Variants in AGAP1 observed in about 807,000 individuals in gnomAD.
AGAP1 encodes the protein ArfGAP with GTPase domain, ankyrin repeat and PH domain 1, also known as arf-GAP with GTPase, ANK repeat and PH domain-containing protein 1.
Under a neutral mutation model 105.3 loss-of-function variants are expected in AGAP1, and 29 were observed. That is an observed-to-expected ratio of 0.28 (90% confidence interval 0.21 to 0.38). AGAP1 has a LOEUF of 0.38. Among genes scored for constraint, AGAP1 ranks in the 10% least tolerant of loss-of-function variants. AGAP1 has a pLI of 1.00. For missense variants in AGAP1, 998 were observed against 1,165.1 expected, an observed-to-expected ratio of 0.86 and a Z score of 2.09; for synonymous variants, 509 against 485.9, an observed-to-expected ratio of 1.05 and a Z score of -0.63.
chr2:235,800,505 G>A (rs897037570), intron 8 of AGAP1, among the ~76,000 whole-genome samples: 1 of 152,146 alleles, frequency 6.6e-6, no homozygotes, highest in African/African-American at 2.4e-5. Context: ...CCTGTGCATA[G>A]CAGACATTAC....
At chr2:235,674,693 C>CTTTTTT (rs201019044) in intron 1 of AGAP1, among the ~76,000 whole-genome samples, 4 of 136,300 alleles carry the variant, frequency 2.9e-5, no homozygotes, top group African/African-American at 1.1e-4. Flanking sequence ...GGGTGATAGA[C>CTTTTTT]TTTTTTTTTT....
chr2:235,611,045 G>GC lies in AGAP1; in HGVS notation c.164-98132dup, dbSNP rs1178583265. 6.6e-6 allele frequency among the ~76,000 whole-genome samples: 1 copy of GC among 152,172 alleles called. No homozygotes were observed. Among genetic ancestry groups the GC allele is most frequent in the Non-Finnish European group, 1.5e-5 (1 of 68,032 alleles). ...ACCTCCGGAAGCCTGCCAGCCGCCT[G>GC]CCTGCAACCCCATAGCCGAGTCAGC... is the stretch of plus-strand genomic sequence containing the variant. On this transcript the variant is annotated intron_variant, in intron 1 of 17. Transcript: ENST00000304032. This position sits in a 1 kb window ranked among gnomAD's most constrained non-coding sequence, Gnocchi z 5.0.
In AGAP1 at chr2:235,801,566, A is replaced by G. The variant is rs539084953; in HGVS notation, c.957+2044A>G. Among the ~76,000 whole-genome samples, 94 of 151,916 alleles carry G rather than the reference A, an allele frequency of 6.2e-4. No homozygotes were observed. The highest frequency in any genetic ancestry group is 3.4e-3 in the Middle Eastern group (1 of 294). On this transcript the variant is annotated intron_variant, in intron 8 of 17. Coordinates refer to ENST00000304032, the MANE Select transcript of AGAP1 (RefSeq NM_001037131.3). This position sits in a 1 kb window ranked among gnomAD's most constrained non-coding sequence, Gnocchi z 6.0. The stretch of plus-strand genomic sequence containing the variant: ...TAGCTGCTTCCCAGCTCCGTCTAAC[A>G]CCTGGAGCAGCCCCTGTCTACCCCC...
chr2:235,686,056 C>T (rs575293595), intron 1 of AGAP1, among the ~76,000 whole-genome samples: 1 of 152,282 alleles, frequency 6.6e-6, no homozygotes, highest in African/African-American at 2.4e-5. Flanking sequence ...GAGTGGGAGG[C>T]AGGTTTGTCC....
At chr2:236,021,545 C>A (rs1317887057) in intron 13 of AGAP1, among the ~76,000 whole-genome samples, 1 of 152,162 alleles carries the variant, frequency 6.6e-6, no homozygotes, top group Non-Finnish European at 1.5e-5. Flanking sequence ...CAAACAGTTA[C>A]CGCTTAGTAA....
rs1369127512 is a variant in AGAP1, at chr2:235,741,347, A to G, written c.396+299A>G. On this transcript the variant is annotated intron_variant, in intron 4 of 17. Transcript: ENST00000304032. The surrounding 1 kb of genome is among the most constrained non-coding windows in gnomAD (Gnocchi z 4.9). ...GGTTGGGGAGCCCAGTTGAAATGAC[A>G]TCTGGAAATTTCTGTCGTTTGGTTT... is the stretch of plus-strand genomic sequence containing the variant. 2.6e-5 allele frequency among the ~76,000 whole-genome samples: 4 copies of G among 152,182 alleles called. No homozygotes were observed. The highest frequency in any genetic ancestry group is 7.2e-5 in the African/African-American group (3 of 41,446).
At chr2:235,573,049 TTC>T (rs1302246771) in intron 1 of AGAP1, among the ~76,000 whole-genome samples, 5 of 21,500 alleles carry the variant, frequency 2.3e-4, no homozygotes, top group Admixed American at 6.7e-4. Flanking sequence ...CTTCTTCTTC[TTC>T]TTCTTCTTCT....
At chr2:236,029,627 T>C (rs939678301) in intron 13 of AGAP1, among the ~76,000 whole-genome samples, 1 of 152,120 alleles carries the variant, frequency 6.6e-6, no homozygotes, top group African/African-American at 2.4e-5. Flanking sequence ...GGACGTCTAT[T>C]GGTAATAAGC....
intron 16 of AGAP1, among the ~76,000 whole-genome samples, chr2:236,117,489 CTTTGGCTGGGGTGTGGG>C (rs2059799610): frequency 1.3e-5 from 2 of 152,312 alleles, no homozygotes; most frequent in African/African-American, 2.4e-5. Flanking sequence ...CGTACTCATT[CTTTGGCTGGGGTGTGGG>C]AATATTAAAA....
At chr2:235,910,286 G>GGGCAGTCACTGAGC (rs2051537777) in intron 11 of AGAP1, among the ~76,000 whole-genome samples, 1 of 7,686 alleles carries the variant, frequency 1.3e-4, no homozygotes, top group African/African-American at 1.1e-3. Flanking sequence ...TGCCTGTGTT[G>GGGCAGTCACTGAGC]CAGGGGGGCG....
Position 236,036,155 on chromosome 2 carries a change from G to A in AGAP1, c.1646-406G>A, listed in dbSNP as rs138423391. On this transcript the variant is annotated intron_variant, in intron 13 of 17. Coordinates refer to ENST00000304032, the MANE Select transcript of AGAP1 (RefSeq NM_001037131.3). The surrounding 1 kb of genome is among the most constrained non-coding windows in gnomAD (Gnocchi z 5.7). ...ATCCATGGAGTGTCTGTGGATCTAC[G>A]CGAGTGCTTAGATAGAAATTAACCC... 3.5e-3 allele frequency among the ~76,000 whole-genome samples: 535 copies of A among 152,266 alleles called. 4 individuals are homozygous for A. Among genetic ancestry groups the A allele is most frequent in the Non-Finnish European group, 4.6e-3 (310 of 68,028 alleles).
At chr2:235,833,856 T>TGG (rs1553644570) in intron 9 of AGAP1, among the ~76,000 whole-genome samples, 5 of 47,398 alleles carry the variant, frequency 1.1e-4, no homozygotes, top group African/African-American at 1.9e-4. Flanking sequence ...TCCAATCTGG[T>TGG]TTTTTTTTTT....
chr2:235,891,546 T>A lies in AGAP1; in HGVS notation c.1155+8097T>A, dbSNP rs992551134. Among the ~76,000 whole-genome samples the A allele has an allele frequency of 1.1e-4, 16 of 152,152 alleles. No individual in the cohort carries two copies. The highest frequency in any genetic ancestry group is 3.9e-4 in the African/African-American group (16 of 41,446). On this transcript the variant is annotated intron_variant, in intron 10 of 17. Coordinates refer to ENST00000304032, the MANE Select transcript of AGAP1 (RefSeq NM_001037131.3). This position sits in a 1 kb window ranked among gnomAD's most constrained non-coding sequence, Gnocchi z 4.2. ...AAATGGAGGCATAATGAGAAAGAAC[T>A]TGGACCTCAGGGCTTCACAGTTCAG...
rs1353750535 is a variant in AGAP1 at position 235,744,622 on chromosome 2, C to T, written c.397-76C>T. 5 of 1,571,766 alleles carry T rather than the reference C, an allele frequency of 3.2e-6. No homozygotes were observed. Among genetic ancestry groups the T allele is most frequent in the Admixed American group, 1.7e-5 (1 of 58,746 alleles). On this transcript the variant is annotated intron_variant, in intron 4 of 17. Coordinates refer to ENST00000304032, the MANE Select transcript of AGAP1 (RefSeq NM_001037131.3). The surrounding 1 kb of genome is among the most constrained non-coding windows in gnomAD (Gnocchi z 5.2). ...ATTCCTGCAGCCCCCTGCTGCCTGC[C>T]GCCATGCAGACATCTCTGTTCTTAA...
Position 236,038,549 on chromosome 2 carries a change from G to T in AGAP1, c.1800+1834G>T, listed in dbSNP as rs180862004. 3.3e-5 allele frequency among the ~76,000 whole-genome samples: 5 copies of T among 152,300 alleles called. No individual in the cohort carries two copies. The East Asian group carries it at 9.6e-4, about 29-fold the overall frequency. On this transcript the variant is annotated intron_variant, in intron 14 of 17. Coordinates refer to ENST00000304032, the MANE Select transcript of AGAP1 (RefSeq NM_001037131.3). The surrounding 1 kb of genome is among the most constrained non-coding windows in gnomAD (Gnocchi z 4.5). ...GGAATTGCTCCCTTGGGAGGAGGAC[G>T]CGTTGAGCAACCAAAGGTGGCCGAC...
intron 1 of AGAP1, among the ~76,000 whole-genome samples, chr2:235,634,662 C>G (rs1946932926): frequency 6.6e-6 from 1 of 152,162 alleles, no homozygotes; most frequent in African/African-American, 2.4e-5. Flanking sequence ...CCTCCACATT[C>G]CATTTTAGAG....
intron 9 of AGAP1, among the ~76,000 whole-genome samples, chr2:235,814,535 G>A (rs748926361): frequency 1.1e-4 from 16 of 152,300 alleles, no homozygotes; most frequent in Middle Eastern, 3.4e-3. Flanking sequence ...CATGCCCTGG[G>A]TCCTCTGCTA....
At chr2:235,540,148 C>CTTTT (rs535395155) in intron 1 of AGAP1, among the ~76,000 whole-genome samples, 4 of 129,106 alleles carry the variant, frequency 3.1e-5, no homozygotes, top group Admixed American at 7.8e-5. Flanking sequence ...CCTCTCTCCT[C>CTTTT]TTTTTTTTTT....
chr2:235,759,397 C>T (rs1318919357), intron 6 of AGAP1, among the ~76,000 whole-genome samples: 2 of 150,054 alleles, frequency 1.3e-5, no homozygotes, highest in East Asian at 4.1e-4. Flanking sequence ...TCTTGATCTC[C>T]TGACCTCGTG....
Sources: gnomAD v4.1 joint callset for allele counts (sites outside exome capture counted in the v4.1 genomes callset) on GRCh38, gnomAD v4.1.1 for gene constraint, Gnocchi (gnomAD v3.1) non-coding constraint, MANE v1.5 for transcripts, NCBI Gene and HGNC (gene_info 2026-07-23, HGNC 2026-07-21) for gene names.